The following GMPR variants were observed in gnomAD, a reference collection of about 807,000 sequenced individuals.
GMPR encodes the protein GMP reductase 1.
A neutral mutation model predicts 38.4 loss-of-function variants in GMPR; 31 were observed. The ratio of observed to expected loss-of-function variants is 0.81; its 90% confidence interval spans 0.61 to 1.09. The LOEUF (loss-of-function observed/expected upper bound fraction) is 1.09, where lower values mean the gene tolerates loss of function less well. Among genes scored for constraint, GMPR ranks in the 50% least tolerant of loss-of-function variants. The pLI, the probability that GMPR is intolerant of heterozygous loss-of-function variation, is 0.00. For synonymous variants in GMPR, 162 were observed against 173.3 expected (o/e 0.93, Z 0.51); for missense variants, 468 against 453.7 (o/e 1.03, Z -0.29).
Position 16,295,242 on chromosome 6 carries a change from C to A in GMPR, c.*56C>A. 1 of 1,291,810 alleles carries A rather than the reference C, an allele frequency of 7.7e-7. No individual in the cohort carries two copies. The allele number at this position is 1,291,810 out of a possible 1,614,324, so 80.0% of individuals were successfully genotyped here. ...TGGAAGCGTCCAAACCTGCTTTTCC[C>A]ATCTCCCCCCAAGTCTGTTCCGTCA... On this transcript the variant is annotated 3_prime_UTR_variant, in exon 9 of 9. Coordinates refer to ENST00000259727, the MANE Select transcript of GMPR (RefSeq NM_006877.4).
At chr6:16,257,980 G>C (rs1759011367) in intron 4 of GMPR, 1 of 152,182 alleles carries the variant, frequency 6.6e-6, no homozygotes, top group African/African-American at 2.4e-5. Flanking sequence ...AGTCACACTG[G>C]GGAAATCGCA....
intron 6 of GMPR, among the ~76,000 whole-genome samples, chr6:16,284,745 C>A (rs1007876784): frequency 6.6e-6 from 1 of 152,044 alleles, no homozygotes; most frequent in African/African-American, 2.4e-5. Flanking sequence ...AGTGGCTGGG[C>A]GCGGTGGTGC....
intron 4 of GMPR, among the ~76,000 whole-genome samples, chr6:16,267,498 A>G (rs1442107835): frequency 1.3e-5 from 2 of 152,190 alleles, no homozygotes; most frequent in African/African-American, 2.4e-5. Context: ...TGTAACACTC[A>G]CTGCAAAGGT....
At chr6:16,257,169 G>A (rs1758998142) in intron 4 of GMPR, among the ~76,000 whole-genome samples, 1 of 152,142 alleles carries the variant, frequency 6.6e-6, no homozygotes, top group Non-Finnish European at 1.5e-5. Context: ...CCTTGACGAG[G>A]CCTTCACAGA....
chr6:16,253,864 T>C (rs7763322), intron 3 of GMPR, among the ~76,000 whole-genome samples: 85,125 of 152,066 alleles, frequency 0.56, 26,911 homozygotes, highest in East Asian at 0.91. Flanking sequence ...GGTTCTTGCT[T>C]ATTGTCCTCC....
chr6:16,250,527 C>T (rs79041224), intron 3 of GMPR, among the ~76,000 whole-genome samples, 160 bp downstream of exon 3: 2,990 of 152,184 alleles, frequency 0.02, 81 homozygotes, highest in African/African-American at 0.062. Context: ...AACTTGTTTC[C>T]ATATTGTATT....
At chr6:16,293,196 TGAGCA>T (rs1214489310) in intron 8 of GMPR, among the ~76,000 whole-genome samples, 1 of 152,218 alleles carries the variant, frequency 6.6e-6, no homozygotes, top group East Asian at 1.9e-4. Flanking sequence ...ATTTTACGGA[TGAGCA>T]GACTTAAGCA....
Position 16,273,803 on chromosome 6 carries a change from C to T in GMPR, c.466-612C>T, listed in dbSNP as rs563469107. Among the ~76,000 whole-genome samples the T allele has an allele frequency of 1.2e-3, 180 of 150,528 alleles. 1 individual carries two copies. Among genetic ancestry groups the T allele is most frequent in the Non-Finnish European group, 2.2e-3 (149 of 67,892 alleles). On this transcript the variant is annotated intron_variant, in intron 4 of 8. Transcript: ENST00000259727. ...TGCTGACTTTTTGTATTTGGGGGTCCCTCTAAGATTTTTTTTTTTTTTTTT... is the reference window on the plus strand; with the variant it reads ...TGCTGACTTTTTGTATTTGGGGGTCTCTCTAAGATTTTTTTTTTTTTTTTT...
In GMPR at chr6:16,288,242, G is replaced by A. The variant is rs183430689; in HGVS notation, c.698-2220G>A. 2.9e-3 allele frequency among the ~76,000 whole-genome samples: 442 copies of A among 152,390 alleles called. 2 individuals are homozygous for A. The highest frequency in any genetic ancestry group is 0.01 in the African/African-American group (424 of 41,602). On this transcript the variant is annotated intron_variant, in intron 7 of 8. Coordinates refer to ENST00000259727, the MANE Select transcript of GMPR (RefSeq NM_006877.4). ...CCGGAGCCGGCTCCCTCAGCTTGAA[G>A]GGAGGTGTGGAGGGAGAGGCGCGAG...
chr6:16,289,307 G>T (rs11969405), intron 7 of GMPR, among the ~76,000 whole-genome samples: 50 of 152,080 alleles, frequency 3.3e-4, no homozygotes, highest in African/African-American at 1.2e-3. Context: ...GAACCCACCA[G>T]TTCCGAACAC....
At chr6:16,281,345 A>C (rs1759569509) in intron 6 of GMPR, among the ~76,000 whole-genome samples, 1 of 152,144 alleles carries the variant, frequency 6.6e-6, no homozygotes, top group African/African-American at 2.4e-5. Flanking sequence ...ACCAGGTCTC[A>C]TCTGCTGGTG....
intron 3 of GMPR, among the ~76,000 whole-genome samples, chr6:16,253,441 C>T (rs1758912745): frequency 6.6e-6 from 1 of 152,080 alleles, no homozygotes; most frequent in South Asian, 2.1e-4. Flanking sequence ...GGGAAGCTTC[C>T]AATCATGGTG....
In GMPR at chr6:16,254,678, AC is replaced by A; in HGVS notation, c.409del (p.His137IlefsTer6). The A allele has an allele frequency of 6.2e-7, 1 of 1,613,994 alleles. No individual in the cohort carries two copies. Among genetic ancestry groups the A allele is most frequent in the South Asian group, 1.1e-5 (1 of 91,078 alleles). On this transcript the variant is annotated frameshift_variant, in exon 4 of 9. Coordinates refer to ENST00000259727, the MANE Select transcript of GMPR (RefSeq NM_006877.4). LOFTEE classifies it high-confidence loss of function. ...TGGATGTGGCCAATGGGTATTCAGA[AC>A]ATTTTGTGGAATTCGTGAAACTTGT... is the stretch of plus-strand genomic sequence containing the variant. Reference protein sequence around the residue: ...CLDVANGYSEHFVEFVKLVRA... With the variant: ...CLDVANGYSEXFVEFVKLVRA...
Position 16,274,397 on chromosome 6 carries a change from G to A in GMPR, c.466-18G>A. On this transcript the variant is annotated intron_variant, in intron 4 of 8. Coordinates refer to ENST00000259727, the MANE Select transcript of GMPR (RefSeq NM_006877.4). ...CAATAGTAGTTCATGATCATCAGCT[G>A]TATTCTTTCTGTCTCAGGCAGGGAA... 4 of 1,483,936 alleles carry A rather than the reference G, an allele frequency of 2.7e-6. No individual in the cohort carries two copies. The highest frequency in any genetic ancestry group is 3.8e-6 in the Non-Finnish European group (4 of 1,061,344). 91.9% of individuals were successfully genotyped at this position (1,483,936 alleles called of 1,614,324 possible).
chr6:16,268,673 A>G (rs1468737457), intron 4 of GMPR, among the ~76,000 whole-genome samples: 2 of 152,112 alleles, frequency 1.3e-5, no homozygotes, highest in Non-Finnish European at 2.9e-5. Flanking sequence ...GCCTTTTATC[A>G]TCCTATGGAA....
chr6:16,287,609 C>T (rs370085728), intron 7 of GMPR, among the ~76,000 whole-genome samples: 209 of 152,342 alleles, frequency 1.4e-3, no homozygotes, highest in Non-Finnish European at 2.8e-3. Context: ...CTGTGCTCTG[C>T]GTTCCTGCTG....
At chr6:16,279,825 C>A (rs2157871) in intron 6 of GMPR, among the ~76,000 whole-genome samples, 10,964 of 152,166 alleles carry the variant, frequency 0.072, 422 homozygotes, top group Middle Eastern at 0.088. Context: ...CACTAGGGAG[C>A]TATTGCAGAG....
intron 8 of GMPR, among the ~76,000 whole-genome samples, chr6:16,292,238 A>G (rs1344008801): frequency 6.6e-6 from 1 of 152,040 alleles, no homozygotes; most frequent in Non-Finnish European, 1.5e-5. Context: ...GATGTATTAT[A>G]TAAGGTTCAT....
intron 1 of GMPR, among the ~76,000 whole-genome samples, chr6:16,245,516 T>C (rs1177334081): frequency 6.6e-6 from 1 of 152,204 alleles, no homozygotes; most frequent in Non-Finnish European, 1.5e-5. Context: ...AGGGTTAATG[T>C]AGGTCTAAGT....
Sources: gnomAD v4.1 joint callset for allele counts (sites outside exome capture counted in the v4.1 genomes callset) on GRCh38, gnomAD v4.1.1 for gene constraint, MANE v1.5 for transcripts, NCBI Gene and HGNC (gene_info 2026-07-23, HGNC 2026-07-21) for gene names.